Variants in PRKD2 observed in about 807,000 individuals in gnomAD.
The protein encoded by PRKD2 is serine/threonine-protein kinase D2.
A neutral mutation model predicts 86.0 loss-of-function variants in PRKD2; 22 were observed. That is an observed-to-expected ratio of 0.26 (90% CI 0.18 to 0.37). PRKD2 has a LOEUF of 0.37. PRKD2 is among the 10% of genes least tolerant of loss of function. The pLI is 1.00. For missense variants in PRKD2, 818 were observed against 1,199.2 expected (o/e 0.68, Z 4.70); for synonymous variants, 509 against 510.9 (o/e 1.00, Z 0.05).
intron 9 of PRKD2, 142 bp downstream of exon 9, chr19:46,697,015 T>G (rs2122703328): frequency 8.1e-6 from 6 of 740,904 alleles, no homozygotes; most frequent in Non-Finnish European, 1.2e-5. Flanking sequence ...CACTTGCTGA[T>G]GAGCTGGAAG....
intron 2 of PRKD2, 116 bp from the exon 3 acceptor site, chr19:46,711,154 C>CCTTCT: frequency 7.2e-7 from 1 of 1,384,266 alleles, no homozygotes; most frequent in Non-Finnish European, 9.7e-7. Context: ...TCTTTCCTTC[C>CCTTCT]TTCCTTCATT....
chr19:46,674,796 T>C, intron 17 of PRKD2, 61 bp from the exon 18 acceptor site: 1 of 1,521,898 alleles, frequency 6.6e-7, no homozygotes, highest in Non-Finnish European at 8.8e-7. Flanking sequence ...CTGGATATCC[T>C]CTGGTTTGCC....
intron 14 of PRKD2, among the ~76,000 whole-genome samples, chr19:46,684,720 T>C (rs1489333033): frequency 6.6e-6 from 1 of 152,090 alleles, no homozygotes; most frequent in African/African-American, 2.4e-5. Flanking sequence ...ATCCCAGCAC[T>C]TTGGGAGGCT....
rs558983219 is a variant in PRKD2 at position 46,689,484 on chromosome 19, C to T, written c.1971+53G>A. On this transcript the variant is annotated intron_variant, in intron 14 of 17. Coordinates refer to ENST00000291281, the MANE Select transcript of PRKD2 (RefSeq NM_016457.5). ...ACCCCCTAGGCATACAGGGCCTCTC[C>T]AAGCTGACACCTGATGGGGAGGGGC... 9.5e-5 allele frequency: 147 copies of T among 1,548,436 alleles called. No individual in the cohort carries two copies. In the African/African-American group the frequency reaches 1.8e-3, roughly 19 times the overall value.
intron 3 of PRKD2, among the ~76,000 whole-genome samples, chr19:46,707,255 T>A (rs548065568): frequency 6.6e-6 from 1 of 152,130 alleles, no homozygotes; most frequent in Non-Finnish European, 1.5e-5. Context: ...TCAGACCTAA[T>A]ACCCAATGGA....
intron 15 of PRKD2, among the ~76,000 whole-genome samples, chr19:46,681,061 C>G (rs1258903808): frequency 6.7e-6 from 1 of 149,174 alleles, no homozygotes; most frequent in Non-Finnish European, 1.5e-5. Flanking sequence ...TCATGCCATT[C>G]TCCTAACTCA....
At chr19:46,709,040 G>A (rs1326645257) in intron 3 of PRKD2, among the ~76,000 whole-genome samples, 1 of 144,400 alleles carries the variant, frequency 6.9e-6, no homozygotes, top group Admixed American at 7.3e-5. Flanking sequence ...GCAGTGGCAC[G>A]ATCTCGGCTC....
rs1043951200 is a variant in PRKD2 at position 46,697,784 on chromosome 19, G to A, written c.1188C>T (p.Ser396=). The A allele has an allele frequency of 2.9e-5, 47 of 1,613,986 alleles. No individual in the cohort carries two copies. Among genetic ancestry groups the A allele is most frequent in the Non-Finnish European group, 3.7e-5 (44 of 1,180,032 alleles). The change falls in exon 8 of 18, where the codon AGC becomes AGT. Residue 396 remains serine (S), a synonymous_variant. Transcript: ENST00000291281. ...QSVRHTTRKS[S]TTLREGWVVH... ...CCACCCAACCCTCCCGCAGCGTGGT[G>A]CTGGATTTCCGCGTCGTGTGTCGCA...
intron 10 of PRKD2, among the ~76,000 whole-genome samples, chr19:46,692,629 G>GC (rs2053499929): frequency 6.6e-6 from 1 of 151,688 alleles, no homozygotes; most frequent in Admixed American, 6.6e-5. Flanking sequence ...CTCTGCCATG[G>GC]CTCCCCAGTG....
chr19:46,714,477 T>TGGGGGGC lies in PRKD2; in HGVS notation c.241-477_241-476insGCCCCCC, dbSNP rs1555833002. On this transcript the variant is annotated intron_variant, in intron 1 of 17. Coordinates refer to ENST00000291281, the MANE Select transcript of PRKD2 (RefSeq NM_016457.5). ...GGACTTTTCGGGGCTCCTGGGAAAG[T>TGGGGGGC]GGGGGGGGGGGCCGGGGGACTTGGA... 2.0e-4 allele frequency: 8 copies of TGGGGGGC among 40,938 alleles called. 1 individual carries two copies. The highest frequency in any genetic ancestry group is 5.5e-4 in the African/African-American group (8 of 14,624). The allele number at this position is 40,938 out of a possible 1,614,324, so 2.5% of individuals were successfully genotyped here.
intron 12 of PRKD2, 78 bp from the exon 13 acceptor site, chr19:46,690,784 A>G (rs1035489204): frequency 7.7e-7 from 1 of 1,301,620 alleles, no homozygotes; most frequent in African/African-American, 1.4e-5. Flanking sequence ...CACCTCTGCC[A>G]ACCTCTGCCC....
chr19:46,710,227 C>T (rs1398342422), intron 3 of PRKD2: 3 of 151,326 alleles, frequency 2.0e-5, no homozygotes, highest in African/African-American at 7.3e-5. Context: ...GGGTCTCGCT[C>T]TGTCACCCAG....
At chr19:46,689,324 T>C (rs918637051) in intron 14 of PRKD2, among the ~76,000 whole-genome samples, 2 of 152,022 alleles carry the variant, frequency 1.3e-5, no homozygotes, top group South Asian at 4.1e-4. Flanking sequence ...GGTTTCACCA[T>C]GTTAGCCAGG....
At chr19:46,700,703 A>G in intron 7 of PRKD2, 96 bp downstream of exon 7, 6 of 1,443,396 alleles carry the variant, frequency 4.2e-6, no homozygotes, top group Non-Finnish European at 3.7e-6. Context: ...ATTTATAAAT[A>G]TGAGGTGATG....
In PRKD2 at chr19:46,693,080, G is replaced by A. The variant is rs954795989; in HGVS notation, c.1576+795C>T. Reference sequence around the variant, plus strand: ...TCTTTCCCACATCTCACCCTGCCTCGGCCTCCAGATCTCAGTTCAGATGTC... The same window carrying A: ...TCTTTCCCACATCTCACCCTGCCTCAGCCTCCAGATCTCAGTTCAGATGTC... On this transcript the variant is annotated intron_variant, in intron 10 of 17. Coordinates refer to ENST00000291281, the MANE Select transcript of PRKD2 (RefSeq NM_016457.5). The surrounding 1 kb of genome is among the most constrained non-coding windows in gnomAD (Gnocchi z 4.5). Among the ~76,000 whole-genome samples, 2 of 151,856 alleles carry A rather than the reference G, an allele frequency of 1.3e-5. No individual in the cohort carries two copies. Among genetic ancestry groups the A allele is most frequent in the East Asian group, 1.9e-4 (1 of 5,186 alleles).
intron 9 of PRKD2, among the ~76,000 whole-genome samples, chr19:46,695,457 T>C (rs1248999873): frequency 1.3e-5 from 2 of 152,216 alleles, no homozygotes; most frequent in Non-Finnish European, 2.9e-5. Flanking sequence ...CACTCCAGCC[T>C]GGGTGACAGA....
intron 3 of PRKD2, among the ~76,000 whole-genome samples, chr19:46,709,705 G>A (rs2053774611): frequency 1.3e-5 from 2 of 151,924 alleles, no homozygotes; most frequent in African/African-American, 2.4e-5. Context: ...ATAATCAGCT[G>A]ACTGTAAGTG....
chr19:46,674,603 T>C lies in PRKD2; in HGVS notation c.2557A>G (p.Thr853Ala). 6.2e-7 allele frequency: 1 copy of C among 1,610,030 alleles called. No individual in the cohort carries two copies. The highest frequency in any genetic ancestry group is 1.3e-5 in the African/African-American group (1 of 74,836). Residue 853 changes from threonine (T) to alanine (A), a missense_variant, in exon 18 of 18, where the codon ACG becomes GCG. By Grantham distance (58) the Thr-to-Ala change is moderately conservative. Transcript: ENST00000291281. The stretch of plus-strand genomic sequence containing the variant: ...CAGGCCCCACCGAGATCCCTGTCCG[T>C]GGGCAGCCCAGACCCAGGCAGCGGA... ...EHPLPGSGLPTDRDLGGACPP... is the reference protein window; with the variant it reads ...EHPLPGSGLPADRDLGGACPP...
chr19:46,704,952 C>A (rs1034178377), intron 3 of PRKD2, among the ~76,000 whole-genome samples: 1 of 151,318 alleles, frequency 6.6e-6, no homozygotes, highest in South Asian at 2.1e-4. Context: ...AAGGCTCCCC[C>A]CAAAGCTCTG....
Sources: allele counts gnomAD v4.1 joint callset (sites outside exome capture counted in the v4.1 genomes callset), GRCh38; gene constraint gnomAD v4.1.1; non-coding constraint Gnocchi (gnomAD v3.1); transcripts MANE v1.5; gene names NCBI Gene and HGNC (gene_info 2026-07-23, HGNC 2026-07-21).